The following STK32B variants were observed in gnomAD, a reference collection of about 807,000 sequenced individuals.
STK32B encodes the protein serine/threonine-protein kinase 32B.
Under a neutral mutation model 52.6 loss-of-function variants are expected in STK32B, and 43 were observed. The ratio of observed to expected loss-of-function variants is 0.82; its 90% CI spans 0.64 to 1.05. The LOEUF is 1.05. Ranked by LOEUF, STK32B falls within the 50% of genes least tolerant of loss-of-function variation. The probability of loss-of-function intolerance (pLI) is 0.00; values close to 1 mark genes in which losing one functional copy is unlikely to be tolerated. For synonymous variants in STK32B, 238 were observed against 204.3 expected, an observed-to-expected ratio of 1.17 and a Z score of -1.41; for missense variants, 621 against 534.6, an observed-to-expected ratio of 1.16 and a Z score of -1.59.
At chr4:5,260,140 C>T (rs192157071) in intron 3 of STK32B, among the ~76,000 whole-genome samples, 55 of 152,258 alleles carry the variant, frequency 3.6e-4, no homozygotes, top group Admixed American at 2.3e-3. Context: ...CTAAAATTTA[C>T]AGCTTCACGA....
At chr4:5,105,676 G>A (rs976489482) in intron 1 of STK32B, among the ~76,000 whole-genome samples, 9 of 151,874 alleles carry the variant, frequency 5.9e-5, no homozygotes, top group Admixed American at 2.6e-4. Flanking sequence ...CCATTCTCCT[G>A]CCTCAGCCTC....
At chr4:5,357,897 CA>C (rs1734289859) in intron 4 of STK32B, among the ~76,000 whole-genome samples, 1 of 152,074 alleles carries the variant, frequency 6.6e-6, no homozygotes. Flanking sequence ...ACGACTTAAG[CA>C]GTACTCTTTC....
At chr4:5,430,463 C>A (rs60241119) in intron 6 of STK32B, among the ~76,000 whole-genome samples, 6 of 152,268 alleles carry the variant, frequency 3.9e-5, no homozygotes, top group Non-Finnish European at 7.3e-5. Context: ...CGTCTGTTAA[C>A]GCATGCTGTC....
intron 11 of STK32B, among the ~76,000 whole-genome samples, chr4:5,479,576 T>G (rs774533574): frequency 3.9e-5 from 6 of 152,182 alleles, no homozygotes; most frequent in Non-Finnish European, 8.8e-5. Context: ...CAATTCTATG[T>G]GAAGGAAAAG....
At chr4:5,369,884 GTTTT>G (rs201188066) in intron 4 of STK32B, among the ~76,000 whole-genome samples, 3 of 150,326 alleles carry the variant, frequency 2.0e-5, no homozygotes, top group African/African-American at 7.4e-5. Context: ...TTGTTTGTTT[GTTTT>G]TTTTTGAGAC....
At chr4:5,113,120 A>G (rs1310101941) in intron 1 of STK32B, among the ~76,000 whole-genome samples, 1 of 152,122 alleles carries the variant, frequency 6.6e-6, no homozygotes, top group Non-Finnish European at 1.5e-5. Context: ...CCCCAATGTG[A>G]TGGTGTTAGG....
chr4:5,156,125 CACATAT>C (rs926746294), intron 2 of STK32B, among the ~76,000 whole-genome samples: 16 of 151,372 alleles, frequency 1.1e-4, no homozygotes, highest in African/African-American at 3.4e-4. Context: ...TATATGTATA[CACATAT>C]ACATATACAC....
chr4:5,390,141 C>G (rs1233797753), intron 4 of STK32B, among the ~76,000 whole-genome samples: 1 of 152,192 alleles, frequency 6.6e-6, no homozygotes, highest in Non-Finnish European at 1.5e-5. Flanking sequence ...TGGACTCACT[C>G]CATTTGTAGT....
At chr4:5,164,077 C>T (rs1718670525) in intron 2 of STK32B, among the ~76,000 whole-genome samples, 1 of 152,212 alleles carries the variant, frequency 6.6e-6, no homozygotes, top group South Asian at 2.1e-4. Flanking sequence ...GGTTATTTAG[C>T]CCCTGGTGGG....
chr4:5,490,315 A>G (rs1719610815), intron 11 of STK32B, among the ~76,000 whole-genome samples: 1 of 151,802 alleles, frequency 6.6e-6, no homozygotes, highest in Non-Finnish European at 1.5e-5. Context: ...CCTTGTTGGC[A>G]AGGCTGGCCT....
chr4:5,073,491 A>G (rs1241205764), intron 1 of STK32B, among the ~76,000 whole-genome samples: 2 of 151,680 alleles, frequency 1.3e-5, no homozygotes, highest in African/African-American at 4.8e-5. Flanking sequence ...ATGTGTTATT[A>G]TTTTTTCTTT....
intron 1 of STK32B, among the ~76,000 whole-genome samples, chr4:5,111,304 C>T (rs759194721): frequency 2.6e-5 from 4 of 152,114 alleles, no homozygotes; most frequent in Non-Finnish European, 4.4e-5. Context: ...AAAAAAGACA[C>T]CTGCACTTGT....
At chr4:5,239,737 T>C (rs2108815561) in intron 3 of STK32B, among the ~76,000 whole-genome samples, 1 of 152,114 alleles carries the variant, frequency 6.6e-6, no homozygotes, top group Admixed American at 6.5e-5. Flanking sequence ...ATTATTTATA[T>C]GGTTATACTA....
intron 3 of STK32B, among the ~76,000 whole-genome samples, chr4:5,318,780 G>A (rs28657018): frequency 6.6e-6 from 1 of 151,780 alleles, no homozygotes; most frequent in East Asian, 1.9e-4. Context: ...GGCAAAAGCT[G>A]TTGAGAATAA....
intron 1 of STK32B, among the ~76,000 whole-genome samples, chr4:5,084,630 C>A (rs910248681): frequency 6.6e-6 from 1 of 152,062 alleles, no homozygotes; most frequent in Non-Finnish European, 1.5e-5. Context: ...TTTTGTATTT[C>A]TTTAAATATT....
intron 4 of STK32B, among the ~76,000 whole-genome samples, chr4:5,334,539 A>G (rs1732499994): frequency 6.6e-6 from 1 of 152,192 alleles, no homozygotes; most frequent in Non-Finnish European, 1.5e-5. Context: ...GAGAGAGGGC[A>G]TCCGTGTCTT....
At chr4:5,130,624 T>C (rs77556684) in intron 1 of STK32B, among the ~76,000 whole-genome samples, 16,424 of 152,106 alleles carry the variant, frequency 0.11, 1,169 homozygotes, top group Admixed American at 0.24. Flanking sequence ...TTCCAAAACC[T>C]GAAGTCCCTG....
intron 7 of STK32B, among the ~76,000 whole-genome samples, chr4:5,451,822 C>G (rs1002687933): frequency 6.6e-6 from 1 of 152,190 alleles, no homozygotes; most frequent in Non-Finnish European, 1.5e-5. Context: ...GATTGAGAAC[C>G]ACTGCCATAG....
At chr4:5,412,519 G>A (rs1367471618) in intron 5 of STK32B, among the ~76,000 whole-genome samples, 1 of 152,144 alleles carries the variant, frequency 6.6e-6, no homozygotes, top group African/African-American at 2.4e-5. Context: ...CTGAAGGCCA[G>A]GAGGTAACGA....
Sources: allele counts gnomAD v4.1 joint callset (sites outside exome capture counted in the v4.1 genomes callset), GRCh38; gene constraint gnomAD v4.1.1; transcripts MANE v1.5; gene names NCBI Gene and HGNC (gene_info 2026-07-23, HGNC 2026-07-21).